Variants in RGS14 observed in about 807,000 individuals in gnomAD.
RGS14 encodes regulator of G protein signaling 14, also known as regulator of G-protein signaling 14.
A neutral mutation model predicts 63.8 loss-of-function variants in RGS14; 33 were observed. That is an observed-to-expected ratio of 0.52 (90% CI 0.39 to 0.69). RGS14 has a LOEUF of 0.69. Ranked by LOEUF, RGS14 falls within the 30% of genes least tolerant of loss-of-function variation. The pLI is 0.00. For synonymous variants in RGS14, 296 were observed against 320.9 expected (o/e 0.92, Z 0.83); for missense variants, 739 against 742.9 (o/e 0.99, Z 0.06).
chr5:177,369,026 A>T, intron 9 of RGS14, 106 bp downstream of exon 9: 1 of 1,160,110 alleles, frequency 8.6e-7, no homozygotes, highest in Non-Finnish European at 1.3e-6. Context: ...CAAGTTCTAA[A>T]CCCAACTCCA....
At chr5:177,360,520 C>T (rs1210091194) in intron 1 of RGS14, among the ~76,000 whole-genome samples, 1 of 132,318 alleles carries the variant, frequency 7.6e-6, no homozygotes, top group Non-Finnish European at 1.5e-5. Context: ...GCTGTGATCA[C>T]ACTCAGACTG....
Position 177,366,946 on chromosome 5 carries a change from G to A in RGS14, c.395G>A (p.Ser132Asn), listed in dbSNP as rs1265120178. The change falls in exon 5 of 15, where the codon AGC becomes AAC. Residue 132 changes from serine to asparagine, a missense_variant. Ser to Asn is a conservative substitution (Grantham distance 46). Coordinates refer to ENST00000408923, the MANE Select transcript of RGS14 (RefSeq NM_006480.5). ...GAGTTCCTGTCCAGCCAGGCGCTGA[G>A]CCCAGTGAACATCGACCGTCAGGCC... ...YQEFLSSQAL[S>N]PVNIDRQAWL... The A allele has an allele frequency of 7.4e-6, 12 of 1,613,914 alleles. No individual in the cohort carries two copies. In the South Asian group the frequency reaches 1.3e-4, roughly 18 times the overall value.
At chr5:177,366,120 G>T in intron 2 of RGS14, 57 bp from the exon 3 acceptor site, 1 of 1,602,988 alleles carries the variant, frequency 6.2e-7, no homozygotes, top group Non-Finnish European at 8.5e-7. Flanking sequence ...AGGGTGGGTT[G>T]TGCCAGGGGC....
chr5:177,368,028 G>A (rs1271720963), intron 7 of RGS14, 129 bp from the exon 8 acceptor site: 2 of 1,471,722 alleles, frequency 1.4e-6, no homozygotes, highest in East Asian at 2.4e-5. Context: ...CGGTGGTGTC[G>A]CTCCCAGGGA....
intron 8 of RGS14, 117 bp from the exon 9 acceptor site, chr5:177,368,600 C>T: frequency 2.9e-6 from 3 of 1,031,648 alleles, no homozygotes; most frequent in Non-Finnish European, 4.3e-6. Context: ...GTATCTTTGC[C>T]TGCCTTGGGA....
Position 177,368,794 on chromosome 5 carries a change from C to T in RGS14, c.927C>T (p.Pro309=), listed in dbSNP as rs1379459239. The T allele has an allele frequency of 4.3e-6, 7 of 1,614,222 alleles. No individual in the cohort carries two copies. The highest frequency in any genetic ancestry group is 5.9e-6 in the Non-Finnish European group (7 of 1,180,032). ...GGAAGTACTGCTGTGTGTACCTGCC[C>T]GATGGCACAGCCTCCTTGGCCCTGG... is the stretch of plus-strand genomic sequence containing the variant. ...RPGKYCCVYL[P]DGTASLALAR... is the part of the protein sequence containing the mutation. The change falls in exon 9 of 15, where the codon CCC becomes CCT. Residue 309 remains proline (P), a synonymous_variant. Transcript: ENST00000408923.
At chr5:177,370,874 C>T (rs1270768404) in intron 10 of RGS14, 31 bp from the exon 11 acceptor site, 1 of 1,574,302 alleles carries the variant, frequency 6.4e-7, no homozygotes, top group South Asian at 1.2e-5. Flanking sequence ...GCCGGCCCTC[C>T]GGCCCTCTGC....
intron 1 of RGS14, among the ~76,000 whole-genome samples, chr5:177,363,939 G>C (rs1372608034): frequency 1.3e-5 from 2 of 152,232 alleles, no homozygotes; most frequent in African/African-American, 4.8e-5. Context: ...CTGCTGGGAA[G>C]GAGCTGGAGC....
chr5:177,372,429 CCCT>C lies in RGS14; in HGVS notation c.*359_*361del, dbSNP rs1762296400. ...AACAGGGGCAAGAGGAGGGGCCGGC[CCCT>C]CCTCAGGAAGCTGGTATGAGTAAGG... On this transcript the variant is annotated 3_prime_UTR_variant, in exon 15 of 15. Transcript: ENST00000408923. The C allele has an allele frequency of 3.9e-6, 1 of 258,844 alleles. No individual in the cohort carries two copies. The highest frequency in any genetic ancestry group is 2.2e-5 in the African/African-American group (1 of 44,922). The allele number at this position is 258,844 out of a possible 1,614,324, so 16.0% of individuals were successfully genotyped here. A position where few individuals can be genotyped will look rare whatever the true frequency, so the allele number is the denominator to read the frequency against.
In RGS14 at chr5:177,370,836, G is replaced by A. The variant is rs961102372; in HGVS notation, c.1128-69G>A. ...TGCAGTTCAAGCTCCACCCCCTCGCGTTTGTCCTGGGAAGGGTTTGGCGGG... is the reference window on the plus strand; with the variant it reads ...TGCAGTTCAAGCTCCACCCCCTCGCATTTGTCCTGGGAAGGGTTTGGCGGG... On this transcript the variant is annotated intron_variant, in intron 10 of 14. Coordinates refer to ENST00000408923, the MANE Select transcript of RGS14 (RefSeq NM_006480.5). 2.7e-5 allele frequency: 42 copies of A among 1,582,650 alleles called. No individual in the cohort carries two copies. In the East Asian group the frequency reaches 3.4e-4, roughly 13 times the overall value.
intron 8 of RGS14, 60 bp downstream of exon 8, chr5:177,368,326 A>G: frequency 6.6e-7 from 1 of 1,508,208 alleles, no homozygotes; most frequent in South Asian, 1.3e-5. Flanking sequence ...ACTCAGGCCC[A>G]TTTACGTGGT....
chr5:177,371,087 G>T lies in RGS14; in HGVS notation c.1254+56G>T. The stretch of plus-strand genomic sequence containing the variant: ...GCGGGGCCGGGCCGGGGCCGGGGCC[G>T]GGGCCGGGGCCGGGGCCGGGGCCGG... On this transcript the variant is annotated intron_variant, in intron 11 of 14. Coordinates refer to ENST00000408923, the MANE Select transcript of RGS14 (RefSeq NM_006480.5). This position sits in a 1 kb window ranked among gnomAD's most constrained non-coding sequence, Gnocchi z 6.1. The T allele has an allele frequency of 2.2e-6, 1 of 464,706 alleles. No individual in the cohort carries two copies. The highest frequency in any genetic ancestry group is 2.5e-6 in the Non-Finnish European group (1 of 396,920). 28.8% of individuals were successfully genotyped at this position (464,706 alleles called of 1,614,324 possible).
chr5:177,363,324 A>G (rs1358998274), intron 1 of RGS14, among the ~76,000 whole-genome samples: 2 of 150,462 alleles, frequency 1.3e-5, no homozygotes, highest in African/African-American at 2.4e-5. Context: ...GCGGGGCCGG[A>G]GACGGGGGCG....
intron 1 of RGS14, among the ~76,000 whole-genome samples, chr5:177,360,680 G>A (rs968025107): frequency 5.3e-5 from 8 of 151,878 alleles, no homozygotes; most frequent in Non-Finnish European, 1.0e-4. Context: ...TTAGGAGGCC[G>A]AGGCGGGCAG....
intron 3 of RGS14, 91 bp from the exon 4 acceptor site, chr5:177,366,617 C>A: frequency 7.8e-7 from 1 of 1,289,320 alleles, no homozygotes. Flanking sequence ...TCTCTTGGCC[C>A]TGTCTCTGTC....
intron 7 of RGS14, 137 bp downstream of exon 7, chr5:177,367,962 A>T: frequency 7.0e-7 from 1 of 1,435,808 alleles, no homozygotes. Context: ...TGACCACCAC[A>T]CTCCCCTGGG....
rs1188823647 is a variant in RGS14, at chr5:177,367,466, TGTACCGCGA to T, written c.539_547del (p.Tyr180_Glu182del). ...TATGCGCGCTTCGTCAAGTCCCCGC[TGTACCGCGA>T]GTGCCTGCTAGCCGAAGCCGAGGGA... On this transcript the variant is annotated inframe_deletion, in exon 6 of 15. Transcript: ENST00000408923. The T allele has an allele frequency of 6.2e-7, 1 of 1,612,706 alleles. No homozygotes were observed. The highest frequency in any genetic ancestry group is 8.5e-7 in the Non-Finnish European group (1 of 1,179,454).
rs888709205 is a variant in RGS14, at chr5:177,358,749, T to A, written c.45+680T>A. Among the ~76,000 whole-genome samples the A allele has an allele frequency of 6.6e-6, 1 of 152,348 alleles. No homozygotes were observed. The highest frequency in any genetic ancestry group is 2.4e-5 in the African/African-American group (1 of 41,584). Reference sequence around the variant, plus strand: ...CCCTCAGAGGATCTGGCTCTTCTCATTCATTCAGCAGATGGGGCAAGCTGT... The same window carrying A: ...CCCTCAGAGGATCTGGCTCTTCTCAATCATTCAGCAGATGGGGCAAGCTGT... On this transcript the variant is annotated intron_variant, in intron 1 of 14. Transcript: ENST00000408923. The surrounding 1 kb of genome is among the most constrained non-coding windows in gnomAD (Gnocchi z 4.8).
rs771554476 is a variant in RGS14 at position 177,371,909 on chromosome 5, G to T, written c.1535G>T (p.Gly512Val). Reference sequence around the variant, plus strand: ...CTGCTGAACCGGGTGCAGAGCAGCGGGGCCCACGACCAGAGGGGCCTTCTG... The same window carrying T: ...CTGCTGAACCGGGTGCAGAGCAGCGTGGCCCACGACCAGAGGGGCCTTCTG... ...VELLNRVQSS[G>V]AHDQRGLLRK... The change falls in exon 15 of 15, where the codon GGG becomes GTG. Residue 512 changes from glycine (G) to valine (V), a missense_variant. Gly to Val is a moderately radical substitution (Grantham distance 109, BLOSUM62 -3). Transcript: ENST00000408923. This position sits in a 1 kb window ranked among gnomAD's most constrained non-coding sequence, Gnocchi z 6.1. 2 of 1,613,962 alleles carry T rather than the reference G, an allele frequency of 1.2e-6. No homozygotes were observed. The highest frequency in any genetic ancestry group is 1.7e-6 in the Non-Finnish European group (2 of 1,179,982).
Sources: allele counts gnomAD v4.1 joint callset (sites outside exome capture counted in the v4.1 genomes callset), GRCh38; gene constraint gnomAD v4.1.1; non-coding constraint Gnocchi (gnomAD v3.1); transcripts MANE v1.5; gene names NCBI Gene and HGNC (gene_info 2026-07-23, HGNC 2026-07-21).